The following TOX variants were observed in gnomAD, a reference collection of about 807,000 sequenced individuals.
TOX encodes the protein thymocyte selection associated high mobility group box.
Under a neutral mutation model 53.7 loss-of-function variants are expected in TOX, and 11 were observed. That is an observed-to-expected ratio of 0.20 (90% CI 0.13 to 0.34). The LOEUF (loss-of-function observed/expected upper bound fraction) is 0.34. Among genes scored for constraint, TOX ranks in the 10% least tolerant of loss-of-function variants. TOX has a pLI of 1.00. For synonymous variants in TOX, 225 were observed against 245.3 expected, an observed-to-expected ratio of 0.92 and a Z score of 0.77; for missense variants, 570 against 664.6, an observed-to-expected ratio of 0.86 and a Z score of 1.56.
intron 3 of TOX, among the ~76,000 whole-genome samples, chr8:58,853,490 T>TATA (rs1810860416): frequency 6.6e-6 from 1 of 152,128 alleles, no homozygotes; most frequent in Admixed American, 6.6e-5. Flanking sequence ...GGAATAAGTA[T>TATA]ATAAATAATT....
At chr8:58,889,212 CAAAAAA>C (rs10556451) in intron 3 of TOX, among the ~76,000 whole-genome samples, 2 of 114,438 alleles carry the variant, frequency 1.7e-5, no homozygotes, top group East Asian at 5.8e-4. Context: ...TTTACAATAG[CAAAAAA>C]AAAAAAAAAA....
intron 3 of TOX, among the ~76,000 whole-genome samples, chr8:58,929,029 C>A (rs1029598524): frequency 6.6e-6 from 1 of 152,054 alleles, no homozygotes; most frequent in African/African-American, 2.4e-5. Flanking sequence ...AAATGTAACA[C>A]ATTTTGAGAG....
Position 58,882,434 on chromosome 8 carries a change from A to G in TOX, c.412-30629T>C, listed in dbSNP as rs559581123. On this transcript the variant is annotated intron_variant, in intron 3 of 8. Transcript: ENST00000361421. ...ATTTCTTAGTGGTCCAAATTTGGTC[A>G]TATCTTTCTTAGCTGTTTCTGCAAT... Among the ~76,000 whole-genome samples, 3 of 152,314 alleles carry G rather than the reference A, an allele frequency of 2.0e-5. No individual in the cohort carries two copies. The East Asian group carries it at 5.8e-4, about 29-fold the overall frequency.
At position 59,118,660 on chromosome 8, in the gene TOX, T is replaced by G. The variant is rs1379977038; in HGVS notation, c.102+226A>C. On this transcript the variant is annotated intron_variant, in intron 1 of 8. Transcript: ENST00000361421. This position sits in a 1 kb window ranked among gnomAD's most constrained non-coding sequence, Gnocchi z 4.1. ...GCCGCGAACAGCAGGAAGGAAAGAA[T>G]CCGAGCAAATCGTGTCACTTTCCGC... is the stretch of plus-strand genomic sequence containing the variant. Among the ~76,000 whole-genome samples the G allele has an allele frequency of 1.3e-5, 2 of 152,136 alleles. No individual in the cohort carries two copies. Among genetic ancestry groups the G allele is most frequent in the Non-Finnish European group, 2.9e-5 (2 of 68,008 alleles).
intron 2 of TOX, among the ~76,000 whole-genome samples, chr8:58,955,172 T>C (rs1222299180): frequency 6.6e-6 from 1 of 152,178 alleles, no homozygotes. Context: ...TCTTGAGATT[T>C]GAGGGATCAA....
Position 59,044,526 on chromosome 8 carries a change from T to C in TOX, c.102+74360A>G, listed in dbSNP as rs147097766. Among the ~76,000 whole-genome samples, 10 of 152,306 alleles carry C rather than the reference T, an allele frequency of 6.6e-5. No individual in the cohort carries two copies. In the East Asian group the frequency reaches 1.9e-3, roughly 29 times the overall value. On this transcript the variant is annotated intron_variant, in intron 1 of 8. Transcript: ENST00000361421. ...GAGACAACAGAATATTTATAACATT[T>C]TATATTCAAAGCATTTCAGAGAGTT...
rs1461491065 is a variant in TOX at position 58,815,418 on chromosome 8, G to A, written c.1312C>T (p.Pro438Ser). ...HQHLNMQQHQ[P>S]LTMQQPLGNQ... The stretch of plus-strand genomic sequence containing the variant: ...CCAAGGGGCTGCTGCATGGTGAGCG[G>A]CTGGTGCTGCTGCATGTTGAGATGC... Residue 438 changes from proline (P) to serine (S), a missense_variant, in exon 7 of 9, where the codon CCG becomes TCG. By Grantham distance (74) the Pro-to-Ser change is moderately conservative. This residue lies in a region of TOX where 239 missense variants were observed against 250.7 expected (regional missense o/e 0.95). Coordinates refer to ENST00000361421, the MANE Select transcript of TOX (RefSeq NM_014729.3). 6.2e-7 allele frequency: 1 copy of A among 1,614,060 alleles called. No homozygotes were observed. The highest frequency in any genetic ancestry group is 8.5e-7 in the Non-Finnish European group (1 of 1,179,984).
chr8:58,951,068 A>G (rs1812613357), intron 2 of TOX, among the ~76,000 whole-genome samples: 1 of 152,214 alleles, frequency 6.6e-6, no homozygotes, highest in East Asian at 1.9e-4. Flanking sequence ...CGTTATCTCA[A>G]TACTCTAGAA....
chr8:58,926,636 T>C (rs971119029), intron 3 of TOX, among the ~76,000 whole-genome samples: 3 of 152,222 alleles, frequency 2.0e-5, no homozygotes, highest in Admixed American at 2.0e-4. Flanking sequence ...CTGCCTAGAA[T>C]TTTTCCTCCT....
chr8:58,952,690 A>G (rs1445325937), intron 2 of TOX, among the ~76,000 whole-genome samples: 1 of 152,170 alleles, frequency 6.6e-6, no homozygotes, highest in Non-Finnish European at 1.5e-5. Flanking sequence ...TTTTACCACT[A>G]ATGCTATTCC....
chr8:59,077,528 C>T (rs1804313177), intron 1 of TOX, among the ~76,000 whole-genome samples: 1 of 152,076 alleles, frequency 6.6e-6, no homozygotes. Context: ...TCTGAGATCC[C>T]TCTTAAAGAG....
chr8:59,089,997 CGTTGGCCACTGAT>C (rs948835372), intron 1 of TOX, among the ~76,000 whole-genome samples: 66 of 152,328 alleles, frequency 4.3e-4, no homozygotes, highest in African/African-American at 1.6e-3. Context: ...AGATTCAGAA[CGTTGGCCACTGAT>C]GTGGTCAGGT....
chr8:58,966,921 C>CTGGAG (rs1812913550), intron 1 of TOX, among the ~76,000 whole-genome samples: 1 of 143,582 alleles, frequency 7.0e-6, no homozygotes, highest in Non-Finnish European at 1.5e-5. Context: ...GTCGCCCAGG[C>CTGGAG]TGGAGTGCAG....
chr8:59,086,057 C>G (rs995041916), intron 1 of TOX, among the ~76,000 whole-genome samples: 2 of 144,840 alleles, frequency 1.4e-5, no homozygotes, highest in Non-Finnish European at 3.0e-5. Flanking sequence ...ACAATCTCAG[C>G]TCACTGCAAC....
At chr8:58,881,221 C>A (rs984085040) in intron 3 of TOX, among the ~76,000 whole-genome samples, 1 of 152,150 alleles carries the variant, frequency 6.6e-6, no homozygotes, top group Non-Finnish European at 1.5e-5. Context: ...AATCTGATTA[C>A]TATTTCATTA....
intron 2 of TOX, among the ~76,000 whole-genome samples, chr8:58,940,796 AT>A (rs1812425330): frequency 6.6e-6 from 1 of 152,078 alleles, no homozygotes; most frequent in South Asian, 2.1e-4. Context: ...GCCTGGGGTT[AT>A]TTTTTCCAGA....
chr8:59,114,262 G>A (rs1191720888), intron 1 of TOX, among the ~76,000 whole-genome samples: 1 of 152,028 alleles, frequency 6.6e-6, no homozygotes, highest in Non-Finnish European at 1.5e-5. Flanking sequence ...TAAAATATAT[G>A]ATAAACTGTG....
chr8:58,860,004 C>A (rs997614687), intron 3 of TOX, among the ~76,000 whole-genome samples: 1 of 152,196 alleles, frequency 6.6e-6, no homozygotes, highest in Non-Finnish European at 1.5e-5. Flanking sequence ...GCAATTGCTG[C>A]CACATCCAGC....
At chr8:59,070,191 T>G (rs1391406072) in intron 1 of TOX, among the ~76,000 whole-genome samples, 2 of 152,210 alleles carry the variant, frequency 1.3e-5, no homozygotes, top group East Asian at 3.8e-4. Context: ...CTCACATTTT[T>G]GCTCTCTTCT....
Sources: allele counts gnomAD v4.1 joint callset (sites outside exome capture counted in the v4.1 genomes callset), GRCh38; gene constraint gnomAD v4.1.1; regional missense constraint gnomAD v4.1.1; non-coding constraint Gnocchi (gnomAD v3.1); transcripts MANE v1.5; gene names NCBI Gene and HGNC (gene_info 2026-07-23, HGNC 2026-07-21).